PFKFB1: variants seen among roughly 807,000 people sequenced by gnomAD.
PFKFB1 encodes the protein 6-phosphofructo-2-kinase/fructose-2,6-bisphosphatase 1.
A neutral mutation model predicts 46.4 loss-of-function variants in PFKFB1; 34 were observed. That is an observed-to-expected ratio of 0.73 (90% confidence interval 0.56 to 0.98). PFKFB1 has a LOEUF of 0.98. Among genes scored for constraint, PFKFB1 ranks in the 50% least tolerant of loss-of-function variants. PFKFB1 has a pLI of 0.00. For missense variants in PFKFB1, 393 were observed against 376.3 expected, an observed-to-expected ratio of 1.04 and a Z score of -0.37; for synonymous variants, 119 against 133.8, an observed-to-expected ratio of 0.89 and a Z score of 0.76.
chrX:54,997,508 G>A (rs1382172229), upstream of PFKFB1, among the ~76,000 whole-genome samples: 1 of 111,848 alleles, frequency 8.9e-6, no homozygotes, highest in Admixed American at 9.4e-5. Flanking sequence ...CATGTGTATC[G>A]GGGGAGAATA....
chrX:54,938,844 T>G (rs750088291), intron 10 of PFKFB1, among the ~76,000 whole-genome samples: 2 of 111,027 alleles, frequency 1.8e-5, no homozygotes, highest in Admixed American at 9.6e-5. Context: ...GACAGAAAGT[T>G]AACAAGGATA....
intron 1 of PFKFB1, among the ~76,000 whole-genome samples, chrX:54,976,965 T>A (rs1934855172): frequency 9.0e-6 from 1 of 110,663 alleles, no homozygotes; most frequent in South Asian, 3.8e-4. Flanking sequence ...TGCTCAGTAG[T>A]TGCCAGGGGT....
At chrX:54,979,109 T>C (rs890588650) in intron 1 of PFKFB1, among the ~76,000 whole-genome samples, 1 of 111,707 alleles carries the variant, frequency 9.0e-6, no homozygotes, top group Non-Finnish European at 1.9e-5. Context: ...AGTGATAACA[T>C]TGGTGGAAGC....
intron 1 of PFKFB1, among the ~76,000 whole-genome samples, chrX:54,964,825 C>T (rs1241064217): frequency 1.8e-5 from 2 of 110,872 alleles, no homozygotes; most frequent in African/African-American, 6.6e-5. Context: ...TAGGTAATTT[C>T]GGCAGGGAGG....
intron 1 of PFKFB1, among the ~76,000 whole-genome samples, chrX:54,970,120 G>A (rs1837084467): frequency 9.1e-6 from 1 of 110,453 alleles, no homozygotes; most frequent in East Asian, 2.9e-4. Flanking sequence ...TGTTGGCCAG[G>A]CTGGTCTCGA....
At chrX:54,945,029 T>C (rs1270777797) in intron 10 of PFKFB1, among the ~76,000 whole-genome samples, 1 of 112,055 alleles carries the variant, frequency 8.9e-6, no homozygotes, top group African/African-American at 3.2e-5. Flanking sequence ...AGAAGTTGAT[T>C]AAATTATTAG....
At chrX:54,953,001 T>C (rs1934033245) in intron 7 of PFKFB1, among the ~76,000 whole-genome samples, 1 of 111,592 alleles carries the variant, frequency 9.0e-6, no homozygotes, top group African/African-American at 3.3e-5. Flanking sequence ...ACCTATATAC[T>C]GAATGATATT....
chrX:54,997,079 G>C (rs187131274), upstream of PFKFB1, among the ~76,000 whole-genome samples: 427 of 112,029 alleles, frequency 3.8e-3, 1 homozygote, highest in Middle Eastern at 0.014. Flanking sequence ...CTGGCACAGA[G>C]GACAGAGAAG....
intron 7 of PFKFB1, among the ~76,000 whole-genome samples, chrX:54,954,219 A>G (rs1043283565): frequency 1.8e-5 from 2 of 112,335 alleles, no homozygotes; most frequent in Middle Eastern, 4.2e-3. Flanking sequence ...AATATTATAA[A>G]AGCCTTTAAG....
chrX:54,958,919 C>T lies in PFKFB1; in HGVS notation c.391G>A (p.Asp131Asn). The T allele has an allele frequency of 8.5e-7, 1 of 1,175,466 alleles. No homozygotes were observed. The highest frequency in any genetic ancestry group is 3.0e-5 in the East Asian group (1 of 33,688). The change falls in exon 5 of 14, where the codon GAT becomes AAT. Residue 131 changes from aspartate (D) to asparagine (N), a missense_variant. Physicochemically the swap from Asp to Asn is conservative, Grantham distance 23. Coordinates refer to ENST00000375006, the MANE Select transcript of PFKFB1 (RefSeq NM_002625.4). The stretch of plus-strand genomic sequence containing the variant: ...CGTTCTCTGGTAGTGTTGGTGGCAT[C>T]AAAAACCTAGAGGCAGGTAATGAGA... ...SHEEGHVAVF[D>N]ATNTTRERRS...
Position 54,949,210 on chromosome X carries a change from G to A in PFKFB1, c.858C>T (p.Ala286=), listed in dbSNP as rs1305529028. 2 of 1,201,159 alleles carry A rather than the reference G, an allele frequency of 1.7e-6. No individual in the cohort carries two copies. Among genetic ancestry groups the A allele is most frequent in the Admixed American group, 2.2e-5 (1 of 45,201 alleles). Residue 286 remains alanine, a synonymous_variant, in exon 9 of 14, where the codon GCC becomes GCT. Coordinates refer to ENST00000375006, the MANE Select transcript of PFKFB1 (RefSeq NM_002625.4). ...LSVRGKQYAY[A]LANFIQSQGI... The stretch of plus-strand genomic sequence containing the variant: ...CCTGGGACTGAATGAAGTTGGCCAG[G>A]GCATAGGCATACTAGGATGTGGGGA...
intron 7 of PFKFB1, among the ~76,000 whole-genome samples, chrX:54,954,233 G>T (rs1179471413): frequency 8.9e-6 from 1 of 112,346 alleles, no homozygotes; most frequent in African/African-American, 3.2e-5. Context: ...CTTTAAGCCA[G>T]CTGGGTGCGG....
At chrX:54,981,806 A>C (rs1216490114) in intron 1 of PFKFB1, among the ~76,000 whole-genome samples, 1 of 111,595 alleles carries the variant, frequency 9.0e-6, no homozygotes, top group Non-Finnish European at 1.9e-5. Flanking sequence ...ACAATAAGAA[A>C]AATTGGGTCA....
intron 10 of PFKFB1, among the ~76,000 whole-genome samples, chrX:54,938,705 T>C (rs775387359): frequency 4.9e-4 from 55 of 111,614 alleles, no homozygotes; most frequent in South Asian, 7.6e-4. Flanking sequence ...CCTAAATATA[T>C]ATGCACCCAA....
chrX:54,994,017 C>T lies in PFKFB1; in HGVS notation c.-10G>A, dbSNP rs1255119042. ...CCATCTCTGGAGACATCTTAGGAGT[C>T]GCACCGAATGACATCACTGCCCACA... is the stretch of plus-strand genomic sequence containing the variant. On this transcript the variant is annotated 5_prime_UTR_variant, in exon 1 of 14. Transcript: ENST00000375006. 5 of 1,195,301 alleles carry T rather than the reference C, an allele frequency of 4.2e-6. No individual in the cohort carries two copies. The highest frequency in any genetic ancestry group is 3.0e-5 in the East Asian group (1 of 33,338).
chrX:54,971,211 G>C (rs1482601042), intron 1 of PFKFB1, among the ~76,000 whole-genome samples: 8 of 64,996 alleles, frequency 1.2e-4, no homozygotes, highest in Non-Finnish European at 1.7e-4. Context: ...CGATTTGTTT[G>C]AGTTCATTGT....
intron 10 of PFKFB1, among the ~76,000 whole-genome samples, chrX:54,938,034 G>T (rs1250040880): frequency 9.0e-6 from 1 of 111,501 alleles, no homozygotes; most frequent in Non-Finnish European, 1.9e-5. Flanking sequence ...CAAAAATAAA[G>T]AAAATTTTAT....
At position 54,951,943 on chromosome X, in the gene PFKFB1, T is replaced by C. The variant is rs1459960270; in HGVS notation, c.808A>G (p.Ile270Val). Residue 270 changes from isoleucine to valine, a missense_variant, in exon 8 of 14, where the codon ATC becomes GTC. By Grantham distance (29) the Ile-to-Val change is conservative (BLOSUM62 3). Coordinates refer to ENST00000375006, the MANE Select transcript of PFKFB1 (RefSeq NM_002625.4). ...GESELNIRGRIGGDSGLSVRG... is the reference protein window; with the variant it reads ...GESELNIRGRVGGDSGLSVRG... ...ACTGAGAGGCCAGAGTCACCTCCGA[T>C]GCGGCCTCTGATGTTGAGTTCACTC... 34 of 1,205,950 alleles carry C rather than the reference T, an allele frequency of 2.8e-5. No individual in the cohort carries two copies. Among genetic ancestry groups the C allele is most frequent in the Non-Finnish European group, 3.7e-5 (33 of 892,745 alleles).
At chrX:54,996,582 T>C (rs752976325), upstream of PFKFB1, among the ~76,000 whole-genome samples, 5 of 112,243 alleles carry the variant, frequency 4.5e-5, no homozygotes, top group African/African-American at 1.3e-4. Flanking sequence ...GAATTAGCTA[T>C]GAGATTCCTC....
Sources: gnomAD v4.1 joint callset for allele counts (sites outside exome capture counted in the v4.1 genomes callset) on GRCh38, gnomAD v4.1.1 for gene constraint, MANE v1.5 for transcripts, NCBI Gene and HGNC (gene_info 2026-07-23, HGNC 2026-07-21) for gene names.